The following BMPR1B variants were observed in gnomAD, a reference collection of about 807,000 sequenced individuals.
The protein encoded by BMPR1B is bone morphogenetic protein receptor type-1B.
A neutral mutation model predicts 59.1 loss-of-function variants in BMPR1B; 12 were observed. The ratio of observed to expected loss-of-function variants is 0.20; its 90% CI spans 0.13 to 0.33. The LOEUF (loss-of-function observed/expected upper bound fraction) is 0.33, where lower values mean the gene tolerates loss of function less well. Ranked by LOEUF, BMPR1B falls within the 10% of genes least tolerant of loss-of-function variation. The probability of loss-of-function intolerance (pLI) is 1.00; values close to 1 mark genes in which losing one functional copy is unlikely to be tolerated. For missense variants in BMPR1B, 550 were observed against 610.9 expected (o/e 0.90, Z 1.05); for synonymous variants, 237 against 207.3 (o/e 1.14, Z -1.23).
At chr4:95,009,044 G>C (rs1167187624) in intron 3 of BMPR1B, among the ~76,000 whole-genome samples, 1 of 151,958 alleles carries the variant, frequency 6.6e-6, no homozygotes, top group African/African-American at 2.4e-5. Context: ...GACAGAATGA[G>C]ACTCTCTGTC....
chr4:95,150,573 T>C (rs914928541), intron 11 of BMPR1B, among the ~76,000 whole-genome samples: 5 of 152,192 alleles, frequency 3.3e-5, no homozygotes, highest in African/African-American at 1.2e-4. Flanking sequence ...TAATTATGTT[T>C]TCTTGAACAT....
chr4:95,006,542 A>ATTTT (rs200984246), intron 3 of BMPR1B, among the ~76,000 whole-genome samples: 1 of 136,024 alleles, frequency 7.4e-6, no homozygotes, highest in Admixed American at 7.4e-5. Context: ...ATACCTTCTG[A>ATTTT]TTTTTTTTTT....
At chr4:94,989,456 A>G (rs1394240433) in intron 2 of BMPR1B, among the ~76,000 whole-genome samples, 1 of 152,044 alleles carries the variant, frequency 6.6e-6, no homozygotes, top group Admixed American at 6.6e-5. Flanking sequence ...CCCAATTTCA[A>G]GGAAGCATTA....
chr4:95,002,020 C>T (rs943218755), intron 3 of BMPR1B, among the ~76,000 whole-genome samples: 2 of 152,038 alleles, frequency 1.3e-5, no homozygotes, highest in African/African-American at 4.8e-5. Context: ...AGTACAGGTA[C>T]AGGTTTGTTA....
intron 3 of BMPR1B, among the ~76,000 whole-genome samples, chr4:95,002,306 G>A (rs987320236): frequency 4.6e-5 from 7 of 152,114 alleles, no homozygotes; most frequent in African/African-American, 9.7e-5. Flanking sequence ...TGCTGCAAAC[G>A]ATGATTTCAT....
At chr4:95,068,916 C>T (rs1265873459) in intron 3 of BMPR1B, among the ~76,000 whole-genome samples, 1 of 152,158 alleles carries the variant, frequency 6.6e-6, no homozygotes, top group Admixed American at 6.6e-5. Context: ...TGGAAACTGG[C>T]ACTTTAAGCA....
chr4:94,963,595 G>T (rs1424368315), intron 2 of BMPR1B, among the ~76,000 whole-genome samples: 3 of 152,136 alleles, frequency 2.0e-5, no homozygotes, highest in African/African-American at 7.2e-5. Context: ...TTATTGAAGA[G>T]ACTGTCCTTT....
chr4:95,086,483 T>G (rs762251960), intron 3 of BMPR1B, among the ~76,000 whole-genome samples: 2 of 152,206 alleles, frequency 1.3e-5, no homozygotes, highest in Non-Finnish European at 2.9e-5. Context: ...GTCATAGTTT[T>G]CATGACATGA....
chr4:94,861,214 TC>T, intron 1 of BMPR1B, among the ~76,000 whole-genome samples: 1 of 152,366 alleles, frequency 6.6e-6, no homozygotes, highest in South Asian at 2.1e-4. Context: ...AGTTATTTAA[TC>T]CCTCTGTGTC....
chr4:94,928,086 C>T (rs1479175421), intron 2 of BMPR1B, among the ~76,000 whole-genome samples: 1 of 151,320 alleles, frequency 6.6e-6, no homozygotes. Context: ...TCTTATATTG[C>T]TCTAGTAGGC....
At chr4:94,873,501 G>A (rs1726586247) in intron 1 of BMPR1B, among the ~76,000 whole-genome samples, 1 of 151,536 alleles carries the variant, frequency 6.6e-6, no homozygotes, top group Admixed American at 6.6e-5. Flanking sequence ...CTGCCTCCTG[G>A]GTTCAAGCGA....
intron 1 of BMPR1B, among the ~76,000 whole-genome samples, chr4:94,776,193 G>T (rs529651703): frequency 2.6e-4 from 40 of 151,248 alleles, no homozygotes; most frequent in African/African-American, 8.5e-4. Context: ...TATTTCCTCT[G>T]TATTAAAATA....
intron 1 of BMPR1B, among the ~76,000 whole-genome samples, chr4:94,856,084 T>G (rs1725744125): frequency 6.6e-6 from 1 of 152,224 alleles, no homozygotes; most frequent in Non-Finnish European, 1.5e-5. Flanking sequence ...ATGCATTTCT[T>G]TCACCTATAA....
intron 1 of BMPR1B, among the ~76,000 whole-genome samples, chr4:94,795,341 G>T (rs1723145169): frequency 6.6e-6 from 1 of 151,096 alleles, no homozygotes; most frequent in Non-Finnish European, 1.5e-5. Flanking sequence ...TGCGTATATT[G>T]AACCAGCCTT....
intron 1 of BMPR1B, among the ~76,000 whole-genome samples, chr4:94,874,206 G>A (rs1056108327): frequency 4.0e-5 from 6 of 151,672 alleles, no homozygotes; most frequent in African/African-American, 1.5e-4. Flanking sequence ...TCATCTTTCA[G>A]TGGACATTTG....
intron 1 of BMPR1B, among the ~76,000 whole-genome samples, chr4:94,871,730 C>T (rs889351328): frequency 2.0e-5 from 3 of 152,112 alleles, no homozygotes; most frequent in Non-Finnish European, 4.4e-5. Context: ...TTTGATTGCT[C>T]CAGTAAGGAT....
intron 3 of BMPR1B, among the ~76,000 whole-genome samples, chr4:95,071,646 GTGTGTGTATATATATATA>G (rs1728289032): frequency 1.2e-5 from 1 of 86,584 alleles, no homozygotes; most frequent in African/African-American, 4.7e-5. Context: ...GTGTGTGTGT[GTGTGTGTATATATATATA>G]TATATATATA....
In BMPR1B at chr4:95,131,278, A is replaced by G. The variant is rs1395395990; in HGVS notation, c.842A>G (p.Tyr281Cys). The G allele has an allele frequency of 1.2e-6, 2 of 1,613,980 alleles. No homozygotes were observed. Among genetic ancestry groups the G allele is most frequent in the Non-Finnish European group, 8.5e-7 (1 of 1,179,944 alleles). ...SWTQLYLITD[Y>C]HENGSLYDYL... is the part of the protein sequence containing the mutation. The stretch of plus-strand genomic sequence containing the variant: ...ACCCAGTTGTACCTAATCACAGACT[A>G]TCATGAAAATGGTTCCCTTTATGAT... The change falls in exon 10 of 13, where the codon TAT becomes TGT. Residue 281 changes from tyrosine to cysteine, a missense_variant. By Grantham distance (194) the Tyr-to-Cys change is radical. Transcript: ENST00000515059.
intron 1 of BMPR1B, among the ~76,000 whole-genome samples, chr4:94,797,771 T>C (rs1300819696): frequency 6.6e-6 from 1 of 152,212 alleles, no homozygotes; most frequent in African/African-American, 2.4e-5. Context: ...ATTTGTATTT[T>C]TAGCAAGTAC....
Sources: gnomAD v4.1 joint callset for allele counts (sites outside exome capture counted in the v4.1 genomes callset) on GRCh38, gnomAD v4.1.1 for gene constraint, MANE v1.5 for transcripts, NCBI Gene and HGNC (gene_info 2026-07-23, HGNC 2026-07-21) for gene names.